ARHGAP40: variants seen among roughly 807,000 people sequenced by gnomAD.
ARHGAP40 encodes rho GTPase-activating protein 40.
A neutral mutation model predicts 73.5 loss-of-function variants in ARHGAP40; 43 were observed. The observed-to-expected ratio is 0.58, with a 90% confidence interval of 0.46 to 0.75. ARHGAP40 has a LOEUF of 0.75. Ranked by LOEUF, ARHGAP40 falls within the 30% of genes least tolerant of loss-of-function variation. The pLI, the probability that ARHGAP40 is intolerant of heterozygous loss-of-function variation, is 0.00. For synonymous variants in ARHGAP40, 300 were observed against 352.8 expected (o/e 0.85, Z 1.68); for missense variants, 734 against 861.8 (o/e 0.85, Z 1.86).
chr20:38,615,178 G>A (rs891070184), intron 1 of ARHGAP40: 20 of 844,226 alleles, frequency 2.4e-5, no homozygotes, highest in Middle Eastern at 2.8e-4. Flanking sequence ...TTTAATGGGA[G>A]CTTGGTAAGT....
chr20:38,649,464 A>T (rs220524), intron 14 of ARHGAP40, among the ~76,000 whole-genome samples: 104,719 of 152,102 alleles, frequency 0.69, 37,341 homozygotes, highest in African/African-American at 0.89. Flanking sequence ...GGCTCTAGAG[A>T]ACAAATCACA....
At chr20:38,647,657 C>T (rs537855958) in intron 13 of ARHGAP40, among the ~76,000 whole-genome samples, 12 of 152,202 alleles carry the variant, frequency 7.9e-5, no homozygotes, top group African/African-American at 2.9e-4. Flanking sequence ...CCTCTCAAAG[C>T]GCTGGGATTA....
At chr20:38,632,211 G>A (rs1237438247) in intron 5 of ARHGAP40, among the ~76,000 whole-genome samples, 8 of 151,458 alleles carry the variant, frequency 5.3e-5, no homozygotes, top group South Asian at 2.1e-4. Context: ...TGATCTGCCC[G>A]CCTCAGCCTC....
exon 3 of ARHGAP40, chr20:38,627,036 T>C (rs1161367754): frequency 2.3e-6 from 3 of 1,305,044 alleles, no homozygotes; most frequent in Non-Finnish European, 3.0e-6. Context: ...CACAGGCCTG[T>C]CGGGCCTCCT....
intron 1 of ARHGAP40, among the ~76,000 whole-genome samples, chr20:38,620,682 A>G (rs2088869218): frequency 6.6e-6 from 1 of 152,220 alleles, no homozygotes; most frequent in African/African-American, 2.4e-5. Flanking sequence ...CCAATTTTAT[A>G]ATTAACTGGG....
chr20:38,637,783 C>A, exon 7 of ARHGAP40: 1 of 1,305,220 alleles, frequency 7.7e-7, no homozygotes, highest in South Asian at 1.2e-5. Context: ...ACACAGGTCC[C>A]GCTGGTCCTT....
At chr20:38,627,387 GGGGT>G (rs1161507009) in intron 3 of ARHGAP40, among the ~76,000 whole-genome samples, 172 bp downstream of exon 3, 2 of 122,098 alleles carry the variant, frequency 1.6e-5, no homozygotes, top group Non-Finnish European at 3.6e-5. Flanking sequence ...TGTGTGTGTT[GGGGT>G]GTGTGTGTGT....
chr20:38,648,572 A>G (rs2089068178), intron 13 of ARHGAP40, 71 bp from the exon 14 acceptor site: 46 of 1,225,514 alleles, frequency 3.8e-5, no homozygotes, highest in Non-Finnish European at 4.9e-5. Flanking sequence ...GGGGCCATGC[A>G]CAGTTGTTGG....
intron 1 of ARHGAP40, among the ~76,000 whole-genome samples, chr20:38,621,718 A>G (rs766551173): frequency 5.9e-5 from 9 of 152,372 alleles, no homozygotes; most frequent in Admixed American, 2.6e-4. Context: ...GAATTTTTAC[A>G]ATAACTGCAT....
chr20:38,608,450 G>A lies in ARHGAP40; in HGVS notation c.137+6371G>A, dbSNP rs1490442088. Among the ~76,000 whole-genome samples, 13 of 152,128 alleles carry A rather than the reference G, an allele frequency of 8.5e-5. 1 individual carries two copies. Among genetic ancestry groups the A allele is most frequent in the Admixed American group, 5.9e-4 (9 of 15,232 alleles). ...GAGGACTGTTGGCTGCTGGCTGCTC[G>A]TTGGTCGGAAGGCAGCCTTGTGTTT... is the stretch of plus-strand genomic sequence containing the variant. On this transcript the variant is annotated intron_variant, in intron 1 of 14. Coordinates refer to ENST00000373345, the Ensembl canonical transcript of ARHGAP40.
intron 5 of ARHGAP40, among the ~76,000 whole-genome samples, chr20:38,632,455 G>A (rs1324827561): frequency 1.3e-5 from 2 of 151,616 alleles, no homozygotes; most frequent in Non-Finnish European, 2.9e-5. Flanking sequence ...TAGAGATGGG[G>A]TTTCACCGTG....
At position 38,647,205 on chromosome 20, in the gene ARHGAP40, G is replaced by A; in HGVS notation, c.1880+79G>A. ...ACCCCAGAGCTGAAGGCCACCAGGG[G>A]GTTACACATACTGTTGGCCTGACCT... On this transcript the variant is annotated intron_variant, in intron 13 of 14. Coordinates refer to ENST00000373345, the Ensembl canonical transcript of ARHGAP40. The A allele has an allele frequency of 2.5e-6, 3 of 1,201,198 alleles. No homozygotes were observed. The South Asian group carries it at 4.4e-5, about 18-fold the overall frequency. 74.4% of individuals were successfully genotyped at this position (1,201,198 alleles called of 1,614,324 possible).
intron 10 of ARHGAP40, among the ~76,000 whole-genome samples, chr20:38,642,939 G>A (rs143393906): frequency 1.3e-5 from 2 of 152,072 alleles, no homozygotes; most frequent in African/African-American, 2.4e-5. Flanking sequence ...TCAGGAGTTC[G>A]AGATCAGCCT....
At chr20:38,630,053 C>T (rs1568608449) in intron 5 of ARHGAP40, among the ~76,000 whole-genome samples, 4 of 147,554 alleles carry the variant, frequency 2.7e-5, no homozygotes, top group African/African-American at 1.0e-4. Flanking sequence ...TCCTCCTCCT[C>T]CTTCTTTTTT....
chr20:38,629,774 T>C, intron 5 of ARHGAP40, 124 bp downstream of exon 5: 8 of 1,066,244 alleles, frequency 7.5e-6, no homozygotes, highest in Non-Finnish European at 9.8e-6. Flanking sequence ...CATTCATTCA[T>C]TTAATTCGTA....
chr20:38,632,560 C>T (rs2088948024), intron 5 of ARHGAP40, among the ~76,000 whole-genome samples: 1 of 152,020 alleles, frequency 6.6e-6, no homozygotes, highest in Admixed American at 6.6e-5. Flanking sequence ...CGCGCCTGGC[C>T]TAAAATTTTT....
chr20:38,628,969 C>G, exon 4 of ARHGAP40: 1 of 1,305,074 alleles, frequency 7.7e-7, no homozygotes, highest in Non-Finnish European at 1.0e-6. Context: ...GAAGGGGGCC[C>G]AGCTCAGTTC....
chr20:38,607,284 TC>T (rs947472886), intron 1 of ARHGAP40, among the ~76,000 whole-genome samples: 1 of 152,182 alleles, frequency 6.6e-6, no homozygotes, highest in African/African-American at 2.4e-5. Context: ...CTGGGCCTGA[TC>T]CTTCATTTGT....
chr20:38,617,783 C>A (rs2088851134), intron 1 of ARHGAP40, among the ~76,000 whole-genome samples: 1 of 152,312 alleles, frequency 6.6e-6, no homozygotes, highest in Non-Finnish European at 1.5e-5. Context: ...CTTGCTGTGT[C>A]TGAATCTCAG....
Sources: gnomAD v4.1 joint callset for allele counts (sites outside exome capture counted in the v4.1 genomes callset) on GRCh38, gnomAD v4.1.1 for gene constraint, MANE v1.5 for transcripts, NCBI Gene and HGNC (gene_info 2026-07-23, HGNC 2026-07-21) for gene names.